The following CDKAL1 variants were observed in gnomAD, a reference collection of about 807,000 sequenced individuals.
CDKAL1 encodes the protein CDKAL1 threonylcarbamoyladenosine tRNA methylthiotransferase.
Under a neutral mutation model 68.2 loss-of-function variants are expected in CDKAL1, and 32 were observed. The observed-to-expected ratio is 0.47, with a 90% CI of 0.35 to 0.63. The LOEUF is 0.63. Ranked by LOEUF, CDKAL1 falls within the 30% of genes least tolerant of loss-of-function variation. The probability of loss-of-function intolerance (pLI) is 0.00; values close to 1 mark genes in which losing one functional copy is unlikely to be tolerated. For synonymous variants in CDKAL1, 234 were observed against 244.3 expected (o/e 0.96, Z 0.39); for missense variants, 606 against 696.7 (o/e 0.87, Z 1.47).
In CDKAL1 at chr6:21,169,929, C is replaced by G. The variant is rs866928034; in HGVS notation, c.1300-28092C>G. The stretch of plus-strand genomic sequence containing the variant: ...AGAACAGTACGGGAAAGACCCCCCC[C>G]ACCCCATGATTCAGTTACCTCCCAC... On this transcript the variant is annotated intron_variant, in intron 13 of 15. Coordinates refer to ENST00000274695, the MANE Select transcript of CDKAL1 (RefSeq NM_017774.3). Among the ~76,000 whole-genome samples the G allele has an allele frequency of 1.8e-4, 24 of 136,326 alleles. 1 individual carries two copies. The highest frequency in any genetic ancestry group is 4.0e-3 in the Middle Eastern group (1 of 250). The allele number at this position is 136,326 out of a possible 152,430, so 89.4% of individuals were successfully genotyped here. A position where few individuals can be genotyped will look rare whatever the true frequency, so the allele number is the denominator to read the frequency against.
chr6:20,816,179 T>C (rs543124037), intron 8 of CDKAL1, among the ~76,000 whole-genome samples: 31 of 149,426 alleles, frequency 2.1e-4, no homozygotes, highest in African/African-American at 7.3e-4. Context: ...TCTCACCCTG[T>C]TCTCATCTGA....
At chr6:20,899,354 C>T (rs529025618) in intron 9 of CDKAL1, among the ~76,000 whole-genome samples, 22 of 152,244 alleles carry the variant, frequency 1.4e-4, no homozygotes, top group Admixed American at 1.2e-3. Flanking sequence ...TGAGCCACTG[C>T]GCCCGGCCCT....
At chr6:20,712,961 T>C (rs1771918949) in intron 5 of CDKAL1, among the ~76,000 whole-genome samples, 1 of 152,216 alleles carries the variant, frequency 6.6e-6, no homozygotes, top group African/African-American at 2.4e-5. Context: ...AAAAATGCTG[T>C]ATATTACAGT....
At chr6:20,955,608 C>T in intron 10 of CDKAL1, 23 bp downstream of exon 10, 1 of 1,609,456 alleles carries the variant, frequency 6.2e-7, no homozygotes, top group East Asian at 2.2e-5. Context: ...ACCCTATTTG[C>T]ATGCTAACAT....
intron 5 of CDKAL1, among the ~76,000 whole-genome samples, chr6:20,731,025 G>A (rs911928009): frequency 5.9e-5 from 9 of 152,130 alleles, no homozygotes; most frequent in African/African-American, 2.2e-4. Context: ...AACAGCAAGT[G>A]CCATGGCTTA....
At chr6:20,700,393 T>G (rs1442481298) in intron 5 of CDKAL1, among the ~76,000 whole-genome samples, 1 of 151,844 alleles carries the variant, frequency 6.6e-6, no homozygotes, top group African/African-American at 2.4e-5. Context: ...TTAAACTGAA[T>G]GATAGTGACT....
chr6:21,188,707 T>TG (rs1400875600), intron 13 of CDKAL1, among the ~76,000 whole-genome samples: 2 of 152,056 alleles, frequency 1.3e-5, no homozygotes, highest in South Asian at 2.1e-4. Flanking sequence ...TTGCCCAGTG[T>TG]GGGGAAAAAC....
At chr6:20,874,470 AT>A (rs900104575) in intron 9 of CDKAL1, among the ~76,000 whole-genome samples, 4 of 149,828 alleles carry the variant, frequency 2.7e-5, no homozygotes, top group African/African-American at 7.4e-5. Flanking sequence ...CGCCTGGCTA[AT>A]TTTTTTTTGT....
intron 4 of CDKAL1, among the ~76,000 whole-genome samples, chr6:20,609,703 C>A (rs1030039675): frequency 6.6e-6 from 1 of 151,914 alleles, no homozygotes; most frequent in Non-Finnish European, 1.5e-5. Context: ...AATATTGGGA[C>A]CATATTCTGC....
chr6:20,703,242 C>G (rs935865906), intron 5 of CDKAL1, among the ~76,000 whole-genome samples: 1 of 152,118 alleles, frequency 6.6e-6, no homozygotes, highest in African/African-American at 2.4e-5. Flanking sequence ...AGCCTGTTGC[C>G]TGTTTTTATA....
At chr6:20,863,416 A>C (rs773153358) in intron 9 of CDKAL1, among the ~76,000 whole-genome samples, 1 of 152,208 alleles carries the variant, frequency 6.6e-6, no homozygotes, top group Admixed American at 6.5e-5. Flanking sequence ...TCTTCAGTAA[A>C]GACCCCTTGG....
intron 7 of CDKAL1, among the ~76,000 whole-genome samples, chr6:20,762,960 C>T (rs1774535357): frequency 6.6e-6 from 1 of 152,152 alleles, no homozygotes. Flanking sequence ...CCCTTTGCTC[C>T]AGCCAACTGT....
chr6:21,223,668 A>C (rs1197101576), intron 15 of CDKAL1, among the ~76,000 whole-genome samples: 1 of 152,208 alleles, frequency 6.6e-6, no homozygotes, highest in Non-Finnish European at 1.5e-5. Flanking sequence ...AAATGACTAA[A>C]GGAGGCAAAG....
At chr6:21,194,230 C>T (rs1164015450) in intron 13 of CDKAL1, among the ~76,000 whole-genome samples, 1 of 152,224 alleles carries the variant, frequency 6.6e-6, no homozygotes, top group Non-Finnish European at 1.5e-5. Context: ...CAGGGACAAA[C>T]CATAGCAGGC....
At chr6:20,804,723 C>T (rs1322829781) in intron 8 of CDKAL1, among the ~76,000 whole-genome samples, 1 of 152,216 alleles carries the variant, frequency 6.6e-6, no homozygotes, top group East Asian at 1.9e-4. Flanking sequence ...TCTGGGCTGC[C>T]ATCTTTAGAA....
chr6:20,733,698 T>C (rs1437875007), intron 5 of CDKAL1, among the ~76,000 whole-genome samples: 2 of 152,170 alleles, frequency 1.3e-5, no homozygotes, highest in East Asian at 3.8e-4. Flanking sequence ...AATCTGGAGA[T>C]CTTGGGTGCT....
At chr6:20,741,144 C>G (rs1410576412) in intron 6 of CDKAL1, among the ~76,000 whole-genome samples, 1 of 151,996 alleles carries the variant, frequency 6.6e-6, no homozygotes, top group Non-Finnish European at 1.5e-5. Context: ...ACAGGAGATT[C>G]TCCAGATGCA....
chr6:20,736,459 T>C lies in CDKAL1; in HGVS notation c.372-3060T>C, dbSNP rs550100464. Among the ~76,000 whole-genome samples, 43 of 152,286 alleles carry C rather than the reference T, an allele frequency of 2.8e-4. 1 individual carries two copies. In the South Asian group the frequency reaches 8.7e-3, roughly 31 times the overall value. On this transcript the variant is annotated intron_variant, in intron 5 of 15. Coordinates refer to ENST00000274695, the MANE Select transcript of CDKAL1 (RefSeq NM_017774.3). Reference sequence around the variant, plus strand: ...GCAAGAGAACTAATCTCCATTTCTGTAATCATCATCATCTTTTTAAAAATC... The same window carrying C: ...GCAAGAGAACTAATCTCCATTTCTGCAATCATCATCATCTTTTTAAAAATC...
intron 9 of CDKAL1, among the ~76,000 whole-genome samples, chr6:20,862,635 TTGTGTGTGTGTG>T (rs56736298): frequency 2.0e-5 from 3 of 149,104 alleles, no homozygotes; most frequent in African/African-American, 5.0e-5. Flanking sequence ...TCTTTCCAAC[TTGTGTGTGTGTG>T]TGTGTGTGTG....
Sources: allele counts gnomAD v4.1 joint callset (sites outside exome capture counted in the v4.1 genomes callset), GRCh38; gene constraint gnomAD v4.1.1; transcripts MANE v1.5; gene names NCBI Gene and HGNC (gene_info 2026-07-23, HGNC 2026-07-21).